The following RNF144A variants were observed in gnomAD, a reference collection of about 807,000 sequenced individuals.
RNF144A encodes the protein ring finger protein 144A.
Under a neutral mutation model 38.7 loss-of-function variants are expected in RNF144A, and 11 were observed. The observed-to-expected ratio is 0.28, with a 90% CI of 0.18 to 0.47. The LOEUF is 0.47. Ranked by LOEUF, RNF144A falls within the 20% of genes least tolerant of loss-of-function variation. The pLI, the probability that RNF144A is intolerant of heterozygous loss-of-function variation, is 0.99. For synonymous variants in RNF144A, 149 were observed against 143.9 expected (o/e 1.04, Z -0.25); for missense variants, 316 against 377.2 (o/e 0.84, Z 1.34).
At chr2:6,925,014 G>A (rs939212003) in intron 1 of RNF144A, among the ~76,000 whole-genome samples, 1 of 152,170 alleles carries the variant, frequency 6.6e-6, no homozygotes, top group Non-Finnish European at 1.5e-5. Flanking sequence ...GGGTCCTTCT[G>A]TGAGTTTTCT....
chr2:7,028,319 C>G (rs1176699890), intron 7 of RNF144A, among the ~76,000 whole-genome samples: 1 of 152,234 alleles, frequency 6.6e-6, no homozygotes, highest in Admixed American at 6.5e-5. Flanking sequence ...CAGACGACGG[C>G]CCCTGTGTAC....
intron 2 of RNF144A, among the ~76,000 whole-genome samples, chr2:6,955,628 A>AGAT (rs1666954675): frequency 1.1e-4 from 16 of 152,118 alleles, no homozygotes; most frequent in Admixed American, 1.0e-3. Context: ...CACTGTGTCT[A>AGAT]GATGTTTTCC....
intron 2 of RNF144A, among the ~76,000 whole-genome samples, chr2:6,947,229 T>A (rs1666396478): frequency 6.6e-6 from 1 of 152,082 alleles, no homozygotes; most frequent in Non-Finnish European, 1.5e-5. Context: ...ATAGTTTATT[T>A]TTTAGATTTA....
chr2:7,006,173 G>T (rs1390257357), intron 3 of RNF144A, among the ~76,000 whole-genome samples: 1 of 152,046 alleles, frequency 6.6e-6, no homozygotes, highest in Non-Finnish European at 1.5e-5. Flanking sequence ...CTTGACGAGG[G>T]TCTGGAGTTG....
At chr2:7,063,607 G>A (rs1457856161) in intron 6 of RNF144A, among the ~76,000 whole-genome samples, 2 of 152,118 alleles carry the variant, frequency 1.3e-5, no homozygotes, top group African/African-American at 4.8e-5. Context: ...TACCAAAGGA[G>A]AAGAGGCTCA....
At chr2:7,028,142 C>T (rs1445279938) in intron 7 of RNF144A, among the ~76,000 whole-genome samples, 1 of 152,188 alleles carries the variant, frequency 6.6e-6, no homozygotes, top group African/African-American at 2.4e-5. Flanking sequence ...AGGTTACTGG[C>T]TCTGGGGGCC....
At chr2:7,056,955 T>C (rs929772403) in intron 6 of RNF144A, among the ~76,000 whole-genome samples, 3 of 152,330 alleles carry the variant, frequency 2.0e-5, no homozygotes, top group East Asian at 3.9e-4. Flanking sequence ...CTTAGTTCTT[T>C]GGAGCCTCCA....
intron 8 of RNF144A, among the ~76,000 whole-genome samples, chr2:7,036,868 C>T (rs1416207594): frequency 2.0e-5 from 3 of 152,250 alleles, no homozygotes; most frequent in East Asian, 1.9e-4. Flanking sequence ...TCAACTGGCT[C>T]GTCCCATAAA....
Position 7,043,236 on chromosome 2 carries a change from C to A in RNF144A, c.*3476C>A, listed in dbSNP as rs1673157829. 1.0e-6 allele frequency: 1 copy of A among 984,990 alleles called. No individual in the cohort carries two copies. Among genetic ancestry groups the A allele is most frequent in the Non-Finnish European group, 1.2e-6 (1 of 829,586 alleles). 61.0% of individuals were successfully genotyped at this position (984,990 alleles called of 1,614,324 possible). A position where few individuals can be genotyped will look rare whatever the true frequency, so the allele number is the denominator to read the frequency against. ...CCATAAAACCAGTTTAGGGCACAGG[C>A]CAGTTCCTGATTAGAACACAGGACC... On this transcript the variant is annotated 3_prime_UTR_variant, in exon 9 of 9. Coordinates refer to ENST00000320892, the MANE Select transcript of RNF144A (RefSeq NM_014746.6).
At chr2:6,957,512 G>A (rs756142097) in intron 2 of RNF144A, among the ~76,000 whole-genome samples, 5 of 152,210 alleles carry the variant, frequency 3.3e-5, no homozygotes, top group South Asian at 2.1e-4. Flanking sequence ...CCACCTTGGC[G>A]TTGACCACAT....
At chr2:6,961,939 G>A (rs923158774) in intron 2 of RNF144A, among the ~76,000 whole-genome samples, 5 of 152,180 alleles carry the variant, frequency 3.3e-5, no homozygotes, top group South Asian at 2.1e-4. Context: ...AAACAGCCTC[G>A]TTGTCTGGGG....
At chr2:6,931,149 G>T (rs548600904) in intron 1 of RNF144A, among the ~76,000 whole-genome samples, 1 of 152,326 alleles carries the variant, frequency 6.6e-6, no homozygotes, top group African/African-American at 2.4e-5. Flanking sequence ...ATCTCCTAGT[G>T]CAGCGGTCGT....
chr2:7,016,610 C>A (rs1671155416), intron 5 of RNF144A, among the ~76,000 whole-genome samples: 1 of 60,956 alleles, frequency 1.6e-5, no homozygotes, highest in African/African-American at 7.0e-5. Flanking sequence ...ACATTATGTT[C>A]AAAGTTTTTT....
At chr2:6,982,477 A>G (rs1668696654) in intron 2 of RNF144A, among the ~76,000 whole-genome samples, 1 of 152,250 alleles carries the variant, frequency 6.6e-6, no homozygotes. Context: ...TAACTAGGCA[A>G]TAAAGAAAAT....
At chr2:7,015,799 A>G (rs1671098856) in intron 5 of RNF144A, among the ~76,000 whole-genome samples, 2 of 152,124 alleles carry the variant, frequency 1.3e-5, no homozygotes, top group African/African-American at 4.8e-5. Context: ...GATTGCTGGC[A>G]TCTGCTCTCC....
At chr2:6,981,066 G>A (rs1361443810) in intron 2 of RNF144A, among the ~76,000 whole-genome samples, 1 of 152,190 alleles carries the variant, frequency 6.6e-6, no homozygotes, top group African/African-American at 2.4e-5. Context: ...ATGTCCCAAG[G>A]CTGCACAGAG....
At chr2:7,044,389 G>T (rs1198190273), downstream of RNF144A, among the ~76,000 whole-genome samples, 2 of 152,178 alleles carry the variant, frequency 1.3e-5, no homozygotes, top group Non-Finnish European at 2.9e-5. Context: ...TCTGTTTTAG[G>T]AATGTTCTCA....
intron 2 of RNF144A, among the ~76,000 whole-genome samples, chr2:6,970,254 G>A (rs774774576): frequency 6.6e-6 from 1 of 152,098 alleles, no homozygotes; most frequent in Non-Finnish European, 1.5e-5. Flanking sequence ...CATGGGGGCG[G>A]GTCTTTCCCA....
chr2:6,922,503 A>G (rs1168301502), intron 1 of RNF144A, among the ~76,000 whole-genome samples: 1 of 152,102 alleles, frequency 6.6e-6, no homozygotes, highest in Non-Finnish European at 1.5e-5. Flanking sequence ...GGAGCAGGGC[A>G]TGTTTATTGT....
Sources: allele counts gnomAD v4.1 joint callset (sites outside exome capture counted in the v4.1 genomes callset), GRCh38; gene constraint gnomAD v4.1.1; transcripts MANE v1.5; gene names NCBI Gene and HGNC (gene_info 2026-07-23, HGNC 2026-07-21).